Variants in CHAC2 observed in about 807,000 individuals in gnomAD.
The protein encoded by CHAC2 is ChaC glutathione specific gamma-glutamylcyclotransferase 2.
A neutral mutation model predicts 16.9 loss-of-function variants in CHAC2; 20 were observed. The ratio of observed to expected loss-of-function variants is 1.18; its 90% CI spans 0.83 to 1.72. CHAC2 has a LOEUF of 1.72. Ranked by LOEUF, CHAC2 falls within the 40% of genes most tolerant of loss-of-function variation. The pLI, the probability that CHAC2 is intolerant of heterozygous loss-of-function variation, is 0.00. For synonymous variants in CHAC2, 91 were observed against 77.3 expected (o/e 1.18, Z -0.93); for missense variants, 269 against 222.2 (o/e 1.21, Z -1.34).
Position 53,771,959 on chromosome 2 carries a change from C to A in CHAC2, c.171+17C>A, listed in dbSNP as rs1553383559. ...GATCCTGCGGTATGGTATAAATATT[C>A]TTTTTTGTATAATTTTAATTTTATA... On this transcript the variant is annotated intron_variant, in intron 2 of 2. Coordinates refer to ENST00000295304, the MANE Select transcript of CHAC2 (RefSeq NM_001008708.4). 7.3e-7 allele frequency: 1 copy of A among 1,373,584 alleles called. No individual in the cohort carries two copies. Among genetic ancestry groups the A allele is most frequent in the South Asian group, 1.4e-5 (1 of 70,618 alleles). 85.1% of individuals were successfully genotyped at this position (1,373,584 alleles called of 1,614,324 possible).
Position 53,774,614 on chromosome 2 carries a change from G to C in CHAC2, c.*89G>C. 3.1e-6 allele frequency: 3 copies of C among 959,920 alleles called. No homozygotes were observed. Among genetic ancestry groups the C allele is most frequent in the Non-Finnish European group, 4.4e-6 (3 of 675,120 alleles). 59.5% of individuals were successfully genotyped at this position (959,920 alleles called of 1,614,324 possible). ...AAAGATCTTATTTTTAATGTAGTGA[G>C]GATATTATTTAAACTTTTATTTTAA... On this transcript the variant is annotated 3_prime_UTR_variant, in exon 3 of 3. Transcript: ENST00000295304.
intron 1 of CHAC2, among the ~76,000 whole-genome samples, chr2:53,769,723 G>A (rs889752491): frequency 2.6e-5 from 4 of 152,210 alleles, no homozygotes; most frequent in Non-Finnish European, 5.9e-5. Flanking sequence ...GCGCACGCCA[G>A]TAGAGTCCCA....
In CHAC2 at chr2:53,774,359, A is replaced by G; in HGVS notation, c.389A>G (p.Gln130Arg). 6.2e-7 allele frequency: 1 copy of G among 1,613,536 alleles called. No individual in the cohort carries two copies. ...GCACCTCTGGAAGACATTGCTGAACAAATTTTTAATGCAGCTGGTCCAAGT... is the reference window on the plus strand; with the variant it reads ...GCACCTCTGGAAGACATTGCTGAACGAATTTTTAATGCAGCTGGTCCAAGT... Reference protein sequence around the residue: ...GPAPLEDIAEQIFNAAGPSGR... With the variant: ...GPAPLEDIAERIFNAAGPSGR... Residue 130 changes from glutamine (Q) to arginine (R), a missense_variant, in exon 3 of 3, where the codon CAA (glutamine) becomes CGA (arginine). By Grantham distance (43) the Gln-to-Arg change is conservative (BLOSUM62 1). Transcript: ENST00000295304.
In CHAC2 at chr2:53,771,243, G is replaced by A. The variant is rs181937592; in HGVS notation, c.136-664G>A. Among the ~76,000 whole-genome samples the A allele has an allele frequency of 1.3e-4, 20 of 152,244 alleles. No individual in the cohort carries two copies. The East Asian group carries it at 1.9e-3, about 15-fold the overall frequency. On this transcript the variant is annotated intron_variant, in intron 1 of 2. Coordinates refer to ENST00000295304, the MANE Select transcript of CHAC2 (RefSeq NM_001008708.4). ...CCTAATAAAACTATAGGCCGGGTGC[G>A]GTGGCTCACGCCTGTAATCCCAGCA...
rs1191915707 is a variant in CHAC2 at position 53,775,175 on chromosome 2, T to G, written c.*650T>G. ...ATAACTCACTAAAGCATAAATTACA[T>G]TATACAAATCATGATCACTAATGAT... On this transcript the variant is annotated 3_prime_UTR_variant, in exon 3 of 3. Transcript: ENST00000295304. 6.6e-6 allele frequency: 1 copy of G among 152,640 alleles called. No homozygotes were observed. Among genetic ancestry groups the G allele is most frequent in the Non-Finnish European group, 1.5e-5 (1 of 68,036 alleles). 9.5% of individuals were successfully genotyped at this position (152,640 alleles called of 1,614,324 possible). A position where few individuals can be genotyped will look rare whatever the true frequency, so the allele number is the denominator to read the frequency against.
chr2:53,769,850 A>G (rs564230394), intron 1 of CHAC2, among the ~76,000 whole-genome samples: 12 of 152,358 alleles, frequency 7.9e-5, no homozygotes, highest in African/African-American at 2.9e-4. Flanking sequence ...CTCAAAAAAA[A>G]AGAGCTAAAA....
intron 1 of CHAC2, among the ~76,000 whole-genome samples, chr2:53,770,739 C>T (rs1673845033): frequency 1.3e-5 from 2 of 152,148 alleles, no homozygotes; most frequent in South Asian, 4.1e-4. Flanking sequence ...GTTAACTGAC[C>T]TGTGTTAAAA....
intron 2 of CHAC2, 62 bp downstream of exon 2, chr2:53,772,004 T>G (rs1334749925): frequency 4.2e-6 from 4 of 950,940 alleles, no homozygotes; most frequent in Non-Finnish European, 4.8e-6. Flanking sequence ...GATGTTTCTG[T>G]TTCAATTTGA....
chr2:53,768,979 G>C (rs1673697649), intron 1 of CHAC2, among the ~76,000 whole-genome samples: 1 of 152,178 alleles, frequency 6.6e-6, no homozygotes, highest in Non-Finnish European at 1.5e-5. Flanking sequence ...ATCACGAAAA[G>C]AACCTGAATT....
chr2:53,767,828 C>T lies in CHAC2; in HGVS notation c.-59C>T. 47 of 1,551,712 alleles carry T rather than the reference C, an allele frequency of 3.0e-5. No individual in the cohort carries two copies. Among genetic ancestry groups the T allele is most frequent in the Non-Finnish European group, 4.1e-5 (47 of 1,145,180 alleles). ...TACTCGCTTACCGGAGGCTTCAGTC[C>T]CCGGCGGCGCGGCGACAGCTAGGGT... On this transcript the variant is annotated 5_prime_UTR_variant, in exon 1 of 3. Transcript: ENST00000295304.
intron 1 of CHAC2, 28 bp downstream of exon 1, chr2:53,768,049 T>TA: frequency 6.2e-7 from 1 of 1,609,668 alleles, no homozygotes. Flanking sequence ...TCCCCACACT[T>TA]ACTGCCCCCT....
Position 53,774,485 on chromosome 2 carries a change from AG to A in CHAC2, c.517del (p.Glu173AsnfsTer3), listed in dbSNP as rs1273112677. 1 of 1,580,276 alleles carries A rather than the reference AG, an allele frequency of 6.3e-7. No individual in the cohort carries two copies. Among genetic ancestry groups the A allele is most frequent in the Non-Finnish European group, 8.6e-7 (1 of 1,167,532 alleles). ...CTTTTCGCTTTGGAAAAATTAGTAA[AG>A]GAACGTTTAGAAGGGAAACAGAACC... ...EHLFALEKLV[K>X]ERLEGKQNLN... On this transcript the variant is annotated frameshift_variant, in exon 3 of 3. Coordinates refer to ENST00000295304, the MANE Select transcript of CHAC2 (RefSeq NM_001008708.4). LOFTEE classifies it high-confidence loss of function.
chr2:53,768,577 G>T (rs537667925), intron 1 of CHAC2, among the ~76,000 whole-genome samples: 2 of 152,278 alleles, frequency 1.3e-5, no homozygotes, highest in African/African-American at 2.4e-5. Flanking sequence ...AATTTTCGCT[G>T]GTTATTAAGG....
At chr2:53,771,516 A>AAAATAAAT (rs141804757) in intron 1 of CHAC2, among the ~76,000 whole-genome samples, 2 of 152,176 alleles carry the variant, frequency 1.3e-5, no homozygotes, top group Admixed American at 6.5e-5. Context: ...TCCGTCTCAA[A>AAAATAAAT]AAATAAATAA....
chr2:53,773,488 T>C (rs1674090089), intron 2 of CHAC2, among the ~76,000 whole-genome samples: 1 of 152,112 alleles, frequency 6.6e-6, no homozygotes, highest in Non-Finnish European at 1.5e-5. Flanking sequence ...TTGAGTTCAG[T>C]GGCATGATCT....
chr2:53,768,974 G>A (rs571009764), intron 1 of CHAC2, among the ~76,000 whole-genome samples: 10 of 152,294 alleles, frequency 6.6e-5, no homozygotes, highest in Admixed American at 5.9e-4. Context: ...TTAAAATCAC[G>A]AAAAGAACCT....
Position 53,774,528 on chromosome 2 carries a change from TAGTCTTC to T in CHAC2, c.*6_*12del, listed in dbSNP as rs1430007842. 22 of 1,524,538 alleles carry T rather than the reference TAGTCTTC, an allele frequency of 1.4e-5. No homozygotes were observed. The highest frequency in any genetic ancestry group is 1.8e-5 in the Non-Finnish European group (20 of 1,141,066). The allele number at this position is 1,524,538 out of a possible 1,614,324, so 94.4% of individuals were successfully genotyped here. A position where few individuals can be genotyped will look rare whatever the true frequency, so the allele number is the denominator to read the frequency against. ...AACAGAACCTCAATTGCATATAATT[TAGTCTTC>T]AGAGAATTAACTTCAGTGCACAATG... On this transcript the variant is annotated 3_prime_UTR_variant, in exon 3 of 3. Transcript: ENST00000295304.
intron 1 of CHAC2, 78 bp from the exon 2 acceptor site, chr2:53,771,829 T>A: frequency 1.3e-6 from 1 of 787,584 alleles, no homozygotes; most frequent in Non-Finnish European, 2.2e-6. Context: ...ATATTCCATG[T>A]CAAAAATGTT....
chr2:53,772,481 T>A (rs1674012124), intron 2 of CHAC2, among the ~76,000 whole-genome samples: 1 of 152,098 alleles, frequency 6.6e-6, no homozygotes. Context: ...GCCGTGGGAT[T>A]TTTTTAAAAA....
Sources: gnomAD v4.1 joint callset for allele counts (sites outside exome capture counted in the v4.1 genomes callset) on GRCh38, gnomAD v4.1.1 for gene constraint, MANE v1.5 for transcripts, NCBI Gene and HGNC (gene_info 2026-07-23, HGNC 2026-07-21) for gene names.